GSPT1: variants seen among roughly 807,000 people sequenced by gnomAD.
GSPT1 encodes the protein G1 to S phase transition 1.
Under a neutral mutation model 72.5 loss-of-function variants are expected in GSPT1, and 20 were observed. The ratio of observed to expected loss-of-function variants is 0.28; its 90% CI spans 0.19 to 0.40. The LOEUF is 0.40. GSPT1 is among the 10% of genes least tolerant of loss of function. The pLI is 1.00. For synonymous variants in GSPT1, 334 were observed against 293.5 expected, an observed-to-expected ratio of 1.14 and a Z score of -1.41; for missense variants, 580 against 811.9, an observed-to-expected ratio of 0.71 and a Z score of 3.47.
At chr16:11,903,447 G>A (rs746522879) in intron 1 of GSPT1, among the ~76,000 whole-genome samples, 40 of 152,108 alleles carry the variant, frequency 2.6e-4, no homozygotes, top group Non-Finnish European at 2.9e-5. Flanking sequence ...CCTGCGAGGC[G>A]GAGGTTGCAG....
In GSPT1 at chr16:11,900,360, C is replaced by CAT. The variant is rs1170578891; in HGVS notation, c.353-2327_353-2326dup. Among the ~76,000 whole-genome samples the CAT allele has an allele frequency of 7.5e-4, 113 of 151,004 alleles. 1 individual carries two copies. The highest frequency in any genetic ancestry group is 2.4e-3 in the African/African-American group (97 of 41,068). On this transcript the variant is annotated intron_variant, in intron 1 of 14. Transcript: ENST00000434724. ...AAAAAAAAATTAATAAAAATGAATACATATATATATGTATTGAGTATCTAT... is the reference window on the plus strand; with the variant it reads ...AAAAAAAAATTAATAAAAATGAATACATATATATATATGTATTGAGTATCTAT...
rs564192374 is a variant in GSPT1 at position 11,871,103 on chromosome 16, C to T, written c.*2016G>A. The T allele has an allele frequency of 6.6e-6, 1 of 152,190 alleles. No homozygotes were observed. Among genetic ancestry groups the T allele is most frequent in the African/African-American group, 2.4e-5 (1 of 41,528 alleles). The allele number at this position is 152,190 out of a possible 1,614,324, so 9.4% of individuals were successfully genotyped here. ...AAGAACTATTATGTTTTGATTAAAG[C>T]TCCTATATTTTCCAGAAAAATAAAA... On this transcript the variant is annotated 3_prime_UTR_variant, in exon 15 of 15. Coordinates refer to ENST00000434724, the MANE Select transcript of GSPT1 (RefSeq NM_002094.4).
rs575237666 is a variant in GSPT1, at chr16:11,904,660, G to A, written c.353-6625C>T. Among the ~76,000 whole-genome samples the A allele has an allele frequency of 1.9e-4, 29 of 150,610 alleles. 1 individual carries two copies. In the East Asian group the frequency reaches 5.6e-3, roughly 29 times the overall value. On this transcript the variant is annotated intron_variant, in intron 1 of 14. Transcript: ENST00000434724. Reference sequence around the variant, plus strand: ...AGTCAAGGCCACAGACATCATGGCAGGTAAAAAAAAAAAGCTACGTTTTGA... The same window carrying A: ...AGTCAAGGCCACAGACATCATGGCAAGTAAAAAAAAAAAGCTACGTTTTGA...
intron 1 of GSPT1, among the ~76,000 whole-genome samples, chr16:11,900,229 A>G (rs964033462): frequency 6.6e-6 from 1 of 151,888 alleles, no homozygotes; most frequent in Non-Finnish European, 1.5e-5. Context: ...GCTACTCGGG[A>G]GGCCAAGGCA....
At chr16:11,885,342 T>A in intron 9 of GSPT1, 68 bp from the exon 10 acceptor site, 2 of 744,000 alleles carry the variant, frequency 2.7e-6, no homozygotes, top group Non-Finnish European at 4.8e-6. Flanking sequence ...GTTACATGAC[T>A]ATAAACAGCT....
chr16:11,891,282 ATAT>A (rs1158978907), intron 5 of GSPT1, 143 bp from the exon 6 acceptor site: 2 of 256,352 alleles, frequency 7.8e-6, no homozygotes, highest in African/African-American at 4.6e-5. Flanking sequence ...AAAATATAAA[ATAT>A]ATATATAACA....
At chr16:11,908,431 C>A (rs935643752) in intron 1 of GSPT1, 1 of 150,516 alleles carries the variant, frequency 6.6e-6, no homozygotes, top group Admixed American at 6.6e-5. Context: ...CCAAGACCAT[C>A]CTGGCCAACA....
chr16:11,905,155 G>A (rs1470586847), intron 1 of GSPT1, among the ~76,000 whole-genome samples: 3 of 152,122 alleles, frequency 2.0e-5, no homozygotes, highest in African/African-American at 4.8e-5. Context: ...ATACAACTTC[G>A]GATCTGTCAC....
chr16:11,886,802 G>A lies in GSPT1; in HGVS notation c.1087C>T (p.Pro363Ser). 6.2e-7 allele frequency: 1 copy of A among 1,613,488 alleles called. No homozygotes were observed. Among genetic ancestry groups the A allele is most frequent in the South Asian group, 1.1e-5 (1 of 91,040 alleles). ...CTCTCATTGCTCCAATTTACTGTTG[G>A]ATCATCCATCTTATTAATTAGCACA... ...LIVLINKMDD[P>S]TVNWSNERYE... is the part of the protein sequence containing the mutation. Residue 363 changes from proline to serine, a missense_variant, in exon 8 of 15, where the codon CCA becomes TCA. This residue lies in a region of GSPT1 where 34 missense variants were observed against 62.0 expected (regional missense o/e 0.55). Transcript: ENST00000434724.
At chr16:11,899,150 G>A (rs917098977) in intron 1 of GSPT1, among the ~76,000 whole-genome samples, 2 of 152,114 alleles carry the variant, frequency 1.3e-5, no homozygotes, top group South Asian at 4.1e-4. Flanking sequence ...TAAATCATAT[G>A]AATCATGCAC....
chr16:11,899,768 C>T (rs957740225), intron 1 of GSPT1, among the ~76,000 whole-genome samples: 1 of 152,112 alleles, frequency 6.6e-6, no homozygotes, highest in Non-Finnish European at 1.5e-5. Flanking sequence ...TCACAGGCCA[C>T]CCTAAGAAGG....
At chr16:11,910,716 A>G (rs555726429) in intron 1 of GSPT1, among the ~76,000 whole-genome samples, 1 of 152,244 alleles carries the variant, frequency 6.6e-6, no homozygotes, top group South Asian at 2.1e-4. Flanking sequence ...AACTTGTTCA[A>G]ACTGAAATTG....
intron 6 of GSPT1, among the ~76,000 whole-genome samples, chr16:11,890,195 C>T (rs1010740599): frequency 6.7e-6 from 1 of 149,820 alleles, no homozygotes; most frequent in Non-Finnish European, 1.5e-5. Flanking sequence ...CTCCTGACCT[C>T]GTGATCCGCC....
rs2053951651 is a variant in GSPT1, at chr16:11,869,198, T to C, written c.*3921A>G. On this transcript the variant is annotated 3_prime_UTR_variant, in exon 15 of 15. Transcript: ENST00000434724. ...TGGAAAATAAAAACACTTCCTATTC[T>C]TTCTATTCCTATTCATTTACTATGA... is the stretch of plus-strand genomic sequence containing the variant. 6.6e-6 allele frequency: 1 copy of C among 152,234 alleles called. No homozygotes were observed. Among genetic ancestry groups the C allele is most frequent in the African/African-American group, 2.4e-5 (1 of 41,470 alleles). 9.4% of individuals were successfully genotyped at this position (152,234 alleles called of 1,614,324 possible).
rs776178220 is a variant in GSPT1, at chr16:11,915,683, C to CCGA, written c.37_38insTCG (p.Gly12_Gly13insVal). The CCGA allele has an allele frequency of 9.9e-6, 14 of 1,410,562 alleles. No individual in the cohort carries two copies. In the South Asian group the frequency reaches 1.8e-4, roughly 18 times the overall value. The allele number at this position is 1,410,562 out of a possible 1,614,324, so 87.4% of individuals were successfully genotyped here. On this transcript the variant is annotated inframe_insertion, in exon 1 of 15. Coordinates refer to ENST00000434724, the MANE Select transcript of GSPT1 (RefSeq NM_002094.4). Reference sequence around the variant, plus strand: ...GCTGCCGCTGCTGCTCCCGCCGCCGCCGCCGCCGCCGCCGCCGCCGCCACT... The same window carrying CCGA: ...GCTGCCGCTGCTGCTCCCGCCGCCGCCGACGCCGCCGCCGCCGCCGCCGCCACT...
intron 5 of GSPT1, 65 bp from the exon 6 acceptor site, chr16:11,891,204 A>G: frequency 3.6e-6 from 3 of 832,634 alleles, no homozygotes; most frequent in Non-Finnish European, 5.5e-6. Context: ...GGAATTAGGA[A>G]AACGTGAAAA....
chr16:11,895,036 TG>T, intron 4 of GSPT1, 49 bp from the exon 5 acceptor site: 1 of 1,154,022 alleles, frequency 8.7e-7, no homozygotes, highest in Non-Finnish European at 1.3e-6. Context: ...CAAAAACCAA[TG>T]GCTAAATATG....
intron 1 of GSPT1, among the ~76,000 whole-genome samples, chr16:11,906,557 C>A (rs1308920155): frequency 1.3e-5 from 2 of 152,080 alleles, no homozygotes; most frequent in Non-Finnish European, 2.9e-5. Flanking sequence ...TCACTTAAGC[C>A]CAGGAGGTTG....
At chr16:11,905,376 C>A (rs1024578067) in intron 1 of GSPT1, among the ~76,000 whole-genome samples, 1 of 152,120 alleles carries the variant, frequency 6.6e-6, no homozygotes, top group Non-Finnish European at 1.5e-5. Flanking sequence ...ATGTGGTTCT[C>A]GATTACACTT....
Sources: gnomAD v4.1 joint callset for allele counts (sites outside exome capture counted in the v4.1 genomes callset) on GRCh38, gnomAD v4.1.1 for gene constraint, gnomAD v4.1.1 regional missense constraint, MANE v1.5 for transcripts, NCBI Gene and HGNC (gene_info 2026-07-23, HGNC 2026-07-21) for gene names.